Variants in ELAVL4 observed in about 807,000 individuals in gnomAD.
ELAVL4 encodes the protein ELAV like RNA binding protein 4.
ELAVL4 carries 1 observed loss-of-function variant against 35.6 expected under a neutral mutation model. The observed-to-expected ratio is 0.03, with a 90% CI of 0.01 to 0.13. The LOEUF is 0.13. Among genes scored for constraint, ELAVL4 ranks in the 10% least tolerant of loss-of-function variants. The probability of loss-of-function intolerance (pLI) is 1.00; values close to 1 mark genes in which losing one functional copy is unlikely to be tolerated. For missense variants in ELAVL4, 267 were observed against 464.9 expected (o/e 0.57, Z 3.91); for synonymous variants, 156 against 171.0 (o/e 0.91, Z 0.69).
chr1:50,154,263 A>C (rs550348444), intron 2 of ELAVL4, among the ~76,000 whole-genome samples: 2 of 152,048 alleles, frequency 1.3e-5, no homozygotes, highest in Non-Finnish European at 2.9e-5. Context: ...CTAGTAACTA[A>C]CTCTACCTAA....
chr1:50,091,556 G>A (rs1225409678), intron 1 of ELAVL4, among the ~76,000 whole-genome samples: 1 of 152,112 alleles, frequency 6.6e-6, no homozygotes, highest in Admixed American at 6.6e-5. Context: ...CGTCTAGCAA[G>A]AGAAGAAGAA....
chr1:50,174,392 C>T (rs983453624), intron 2 of ELAVL4: 1 of 151,988 alleles, frequency 6.6e-6, no homozygotes, highest in Non-Finnish European at 1.5e-5. Context: ...ATGCAATGTT[C>T]TGTTTTAGAG....
At chr1:50,130,716 C>G (rs1670709461) in intron 1 of ELAVL4, among the ~76,000 whole-genome samples, 1 of 152,096 alleles carries the variant, frequency 6.6e-6, no homozygotes. Flanking sequence ...AACTCTTTCT[C>G]TCTCCTTCAT....
chr1:50,140,837 G>A (rs1672701164), intron 1 of ELAVL4, among the ~76,000 whole-genome samples: 2 of 152,132 alleles, frequency 1.3e-5, no homozygotes, highest in African/African-American at 4.8e-5. Context: ...ATCTACATTG[G>A]ATGAGAATGA....
At chr1:50,200,377 A>C (rs867905136) in intron 6 of ELAVL4, among the ~76,000 whole-genome samples, 24 of 152,260 alleles carry the variant, frequency 1.6e-4, no homozygotes, top group Admixed American at 3.3e-4. Context: ...ATAAATATTT[A>C]TTGAGCATTT....
intron 3 of ELAVL4, among the ~76,000 whole-genome samples, chr1:50,178,707 C>CT (rs1164986236): frequency 6.6e-6 from 1 of 152,100 alleles, no homozygotes; most frequent in Non-Finnish European, 1.5e-5. Context: ...AAAAACATAC[C>CT]TATTTTCATG....
chr1:50,167,730 T>G (rs1253307570), intron 2 of ELAVL4, among the ~76,000 whole-genome samples: 1 of 152,082 alleles, frequency 6.6e-6, no homozygotes, highest in East Asian at 1.9e-4. Flanking sequence ...GGCTGAGTGG[T>G]GTCCACATAA....
intron 1 of ELAVL4, among the ~76,000 whole-genome samples, chr1:50,142,500 G>T (rs1373551285): frequency 1.3e-5 from 2 of 152,110 alleles, no homozygotes; most frequent in Non-Finnish European, 2.9e-5. Context: ...ACCGCACCTG[G>T]CCTAGAACTC....
At chr1:50,190,057 C>T (rs1682432721) in intron 3 of ELAVL4, among the ~76,000 whole-genome samples, 1 of 152,188 alleles carries the variant, frequency 6.6e-6, no homozygotes, top group Non-Finnish European at 1.5e-5. Context: ...TGGCTTTGAG[C>T]CACCCCTACC....
intron 1 of ELAVL4, among the ~76,000 whole-genome samples, chr1:50,052,920 T>G (rs1011520353): frequency 5.3e-5 from 8 of 152,240 alleles, no homozygotes; most frequent in Non-Finnish European, 1.0e-4. Flanking sequence ...TTTGTGCTAA[T>G]TTGCACAGCC....
chr1:50,119,215 T>C (rs1417323419), intron 1 of ELAVL4, among the ~76,000 whole-genome samples: 1 of 152,128 alleles, frequency 6.6e-6, no homozygotes, highest in Admixed American at 6.6e-5. Context: ...TGTCTATACA[T>C]ATTGTATGTG....
chr1:50,164,825 T>C (rs926508083), intron 2 of ELAVL4, among the ~76,000 whole-genome samples: 1 of 152,144 alleles, frequency 6.6e-6, no homozygotes, highest in Non-Finnish European at 1.5e-5. Context: ...AGACTGAAGG[T>C]AGTTAAGAGA....
rs538548610 is a variant in ELAVL4, at chr1:50,201,236, C to T, written c.*58C>T. 4.7e-5 allele frequency: 69 copies of T among 1,465,348 alleles called. No homozygotes were observed. Among genetic ancestry groups the T allele is most frequent in the Non-Finnish European group, 5.9e-5 (65 of 1,107,606 alleles). The allele number at this position is 1,465,348 out of a possible 1,614,324, so 90.8% of individuals were successfully genotyped here. A position where few individuals can be genotyped will look rare whatever the true frequency, so the allele number is the denominator to read the frequency against. On this transcript the variant is annotated 3_prime_UTR_variant, in exon 7 of 7. Transcript: ENST00000371824. The surrounding 1 kb of genome is among the most constrained non-coding windows in gnomAD (Gnocchi z 4.3). ...GAAATATATACGAACAAAACACACG[C>T]GCGCACACACACACATACACGAAAG...
At position 50,048,078 on chromosome 1, in the gene ELAVL4, G is replaced by A. The variant is rs185652166; in HGVS notation, c.-87G>A. ...GCAGAGCGAGCTAGAGAGCGAGAGC[G>A]GTGAGACTCTGCGGACGTCTTCCCG... On this transcript the variant is annotated 5_prime_UTR_variant, in exon 1 of 7. Transcript: ENST00000448907. 4.3e-6 allele frequency: 6 copies of A among 1,401,386 alleles called. No homozygotes were observed. The African/African-American group carries it at 7.5e-5, about 18-fold the overall frequency. 86.8% of individuals were successfully genotyped at this position (1,401,386 alleles called of 1,614,324 possible).
At chr1:50,099,272 A>G (rs970229423), upstream of ELAVL4, among the ~76,000 whole-genome samples, 2 of 152,174 alleles carry the variant, frequency 1.3e-5, no homozygotes, top group African/African-American at 2.4e-5. Context: ...GAAAGTAACA[A>G]TGAACTGGCT....
Position 50,201,354 on chromosome 1 carries a change from G to T in ELAVL4, c.*176G>T. ...TTAAAACATTGGATTATCCTGAGGT[G>T]TACCAGGAAAGGATTTTATAATGCT... is the stretch of plus-strand genomic sequence containing the variant. On this transcript the variant is annotated 3_prime_UTR_variant, in exon 7 of 7. Coordinates refer to ENST00000371824, the MANE Select transcript of ELAVL4 (RefSeq NM_001144774.3). The surrounding 1 kb of genome is among the most constrained non-coding windows in gnomAD (Gnocchi z 4.3). The T allele has an allele frequency of 9.1e-6, 5 of 548,746 alleles. No individual in the cohort carries two copies. Among genetic ancestry groups the T allele is most frequent in the Middle Eastern group, 5.8e-4 (1 of 1,728 alleles). The allele number at this position is 548,746 out of a possible 1,614,324, so 34.0% of individuals were successfully genotyped here.
rs115601081 is a variant in ELAVL4 at position 50,159,116 on chromosome 1, A to T, written c.250+13919A>T. On this transcript the variant is annotated intron_variant, in intron 2 of 6. Transcript: ENST00000371824. ...AACTGGCAGGATTGTTATTTCAGGA[A>T]CTATAGTTCAGGTTTGGGGACCAGA... Among the ~76,000 whole-genome samples the T allele has an allele frequency of 6.6e-3, 1,001 of 152,222 alleles. 7 individuals are homozygous for T. The highest frequency in any genetic ancestry group is 0.022 in the African/African-American group (929 of 41,540).
At chr1:50,108,896 A>G, upstream of ELAVL4, 1 of 1,072,966 alleles carries the variant, frequency 9.3e-7, no homozygotes, top group South Asian at 3.8e-5. Flanking sequence ...GGTCCCATAA[A>G]TGGATGTAAA....
At chr1:50,078,064 T>C (rs1415027218) in intron 1 of ELAVL4, among the ~76,000 whole-genome samples, 1 of 151,892 alleles carries the variant, frequency 6.6e-6, no homozygotes, top group Non-Finnish European at 1.5e-5. Flanking sequence ...AATTGCAAAG[T>C]GCTTAGGACA....
Sources: gnomAD v4.1 joint callset for allele counts (sites outside exome capture counted in the v4.1 genomes callset) on GRCh38, gnomAD v4.1.1 for gene constraint, Gnocchi (gnomAD v3.1) non-coding constraint, MANE v1.5 for transcripts, NCBI Gene and HGNC (gene_info 2026-07-23, HGNC 2026-07-21) for gene names.